Variants in SLC25A51 observed in about 807,000 individuals in gnomAD.
SLC25A51 encodes the protein solute carrier family 25 member 51.
A neutral mutation model predicts 19.1 loss-of-function variants in SLC25A51; 11 were observed. The ratio of observed to expected loss-of-function variants is 0.58; its 90% CI spans 0.36 to 0.96. The LOEUF (loss-of-function observed/expected upper bound fraction) is 0.96. Ranked by LOEUF, SLC25A51 falls within the 40% of genes least tolerant of loss-of-function variation. SLC25A51 has a pLI of 0.01. For missense variants in SLC25A51, 201 were observed against 365.4 expected (o/e 0.55, Z 3.67); for synonymous variants, 105 against 133.6 (o/e 0.79, Z 1.47).
chr9:37,878,902 G>A (rs1452402632), downstream of SLC25A51: 2 of 178,942 alleles, frequency 1.1e-5, no homozygotes, highest in Non-Finnish European at 2.4e-5. Flanking sequence ...ACAGGCGTGA[G>A]CCACCACTCC....
chr9:37,903,061 C>T lies in SLC25A51; in HGVS notation c.-165+1007G>A, dbSNP rs374753238. Among the ~76,000 whole-genome samples, 15 of 152,326 alleles carry T rather than the reference C, an allele frequency of 9.8e-5. No individual in the cohort carries two copies. The East Asian group carries it at 1.9e-3, about 20-fold the overall frequency. The stretch of plus-strand genomic sequence containing the variant: ...ACTGATCTGAGTTTGCTTTCATTTA[C>T]CAAACGAGAGATCAGATGAGTCAAC... On this transcript the variant is annotated intron_variant, in intron 1 of 2. Coordinates refer to ENST00000242275, the MANE Select transcript of SLC25A51 (RefSeq NM_033412.4).
downstream of SLC25A51, chr9:37,885,877 A>G (rs1214855781): frequency 7.5e-6 from 12 of 1,589,778 alleles, no homozygotes; most frequent in Non-Finnish European, 9.5e-6. Context: ...ATGACGTGCA[A>G]ACCCCCCCCT....
chr9:37,891,079 G>A (rs915176331), intron 2 of SLC25A51, among the ~76,000 whole-genome samples: 1 of 152,182 alleles, frequency 6.6e-6, no homozygotes, highest in Non-Finnish European at 1.5e-5. Context: ...GTTCCTAAGG[G>A]GCGTATATCT....
In SLC25A51 at chr9:37,888,022, C is replaced by A; in HGVS notation, c.529G>T (p.Val177Leu). 6.2e-7 allele frequency: 1 copy of A among 1,612,558 alleles called. No homozygotes were observed. Among genetic ancestry groups the A allele is most frequent in the African/African-American group, 1.3e-5 (1 of 74,990 alleles). ...HGIGEYYRGL[V>L]PILFRNGLSN... ...AGTCCATTCCGGAAAAGAATGGGCA[C>A]CAAGCCTCGATAATACTCTCCAATT... The change falls in exon 3 of 3, where the codon GTG becomes TTG. Residue 177 changes from valine (V) to leucine (L), a missense_variant. Physicochemically the swap from Val to Leu is conservative, Grantham distance 32 (BLOSUM62 1). Transcript: ENST00000242275.
At chr9:37,886,527 A>G, downstream of SLC25A51, 2 of 1,013,138 alleles carry the variant, frequency 2.0e-6, no homozygotes, top group South Asian at 3.5e-5. Flanking sequence ...TTCTGATTTT[A>G]AAGAGGCATC....
At position 37,888,416 on chromosome 9, in the gene SLC25A51, G is replaced by A. The variant is rs765902687; in HGVS notation, c.135C>T (p.Val45=). Residue 45 remains valine (V), a synonymous_variant, in exon 3 of 3, where the codon GTC becomes GTT. Coordinates refer to ENST00000242275, the MANE Select transcript of SLC25A51 (RefSeq NM_033412.4). ...CCTTCTGAATGGGAAATGTGATTGC[G>A]ACATTGTTGAAGGCTGCACAGCAGC... The part of the protein sequence containing the change: ...LCGCCAAFNN[V]AITFPIQKVL... The A allele has an allele frequency of 2.4e-5, 39 of 1,614,074 alleles. No homozygotes were observed. Among genetic ancestry groups the A allele is most frequent in the Middle Eastern group, 1.6e-4 (1 of 6,084 alleles).
chr9:37,895,481 G>C (rs189480356), intron 2 of SLC25A51, among the ~76,000 whole-genome samples: 2 of 151,808 alleles, frequency 1.3e-5, no homozygotes, highest in Non-Finnish European at 2.9e-5. Context: ...ATTGTAAGGA[G>C]TGAGCCACCT....
chr9:37,902,256 G>T (rs1436421967), intron 1 of SLC25A51, among the ~76,000 whole-genome samples: 1 of 152,146 alleles, frequency 6.6e-6, no homozygotes, highest in Non-Finnish European at 1.5e-5. Context: ...GCAAATAAAG[G>T]TTAGTTTATT....
At chr9:37,898,312 T>C (rs553153984) in intron 2 of SLC25A51, among the ~76,000 whole-genome samples, 22 of 151,932 alleles carry the variant, frequency 1.4e-4, no homozygotes, top group African/African-American at 4.6e-4. Flanking sequence ...TCCCAGCACT[T>C]TGGGAGGCTG....
intron 2 of SLC25A51, among the ~76,000 whole-genome samples, chr9:37,891,653 G>C (rs894566432): frequency 6.6e-6 from 1 of 151,994 alleles, no homozygotes; most frequent in Non-Finnish European, 1.5e-5. Context: ...GATGCTTGAA[G>C]GCAGCATGCT....
chr9:37,886,008 G>C, downstream of SLC25A51: 1 of 1,613,728 alleles, frequency 6.2e-7, no homozygotes, highest in Non-Finnish European at 8.5e-7. Context: ...TCTAATGACT[G>C]CCAATCATTT....
downstream of SLC25A51, chr9:37,886,321 C>T (rs1831456720): frequency 6.2e-7 from 1 of 1,613,822 alleles, no homozygotes; most frequent in Non-Finnish European, 8.5e-7. Flanking sequence ...GAGACAATAT[C>T]CCTGAGGAGC....
At chr9:37,882,294 C>A (rs1158001530) in intron 2 of SLC25A51, among the ~76,000 whole-genome samples, 2 of 152,188 alleles carry the variant, frequency 1.3e-5, no homozygotes, top group Non-Finnish European at 2.9e-5. Flanking sequence ...ACTGCATACG[C>A]CTCACTCTAC....
chr9:37,894,157 T>C (rs969991834), intron 2 of SLC25A51, among the ~76,000 whole-genome samples: 2 of 150,708 alleles, frequency 1.3e-5, no homozygotes, highest in South Asian at 2.1e-4. Context: ...ATGGTTGCTG[T>C]TTTTTTTTAT....
At position 37,887,667 on chromosome 9, in the gene SLC25A51, T is replaced by C; in HGVS notation, c.884A>G (p.Lys295Arg). 6.2e-7 allele frequency: 1 copy of C among 1,609,300 alleles called. No individual in the cohort carries two copies. Among genetic ancestry groups the C allele is most frequent in the Non-Finnish European group, 8.5e-7 (1 of 1,177,940 alleles). Residue 295 changes from lysine (K) to arginine (R), a missense_variant, in exon 3 of 3, where the codon AAG (lysine) becomes AGG (arginine). Physicochemically the swap from Lys to Arg is conservative, Grantham distance 26. Coordinates refer to ENST00000242275, the MANE Select transcript of SLC25A51 (RefSeq NM_033412.4). ...TAACTGATGGTTTTTTCATATAACC[T>C]TTAACAAGAACTCATAAGTTGCATT... ...IINATYEFLL[K>R]VI
At chr9:37,879,122 T>C, downstream of SLC25A51, 1 of 360,156 alleles carries the variant, frequency 2.8e-6, no homozygotes, top group Non-Finnish European at 5.6e-6. Flanking sequence ...ATGTAGACTT[T>C]GAGTAACATC....
chr9:37,901,200 C>T (rs1462924740), intron 1 of SLC25A51, among the ~76,000 whole-genome samples: 1 of 151,834 alleles, frequency 6.6e-6, no homozygotes, highest in Non-Finnish European at 1.5e-5. Flanking sequence ...GACAGAGTCT[C>T]ACTCTGTTGC....
At chr9:37,887,146 C>T (rs1231691034), downstream of SLC25A51, among the ~76,000 whole-genome samples, 1 of 152,078 alleles carries the variant, frequency 6.6e-6, no homozygotes, top group East Asian at 1.9e-4. Flanking sequence ...GAAACCCCGT[C>T]TCTACTAAAA....
chr9:37,894,453 A>C (rs1382786151), intron 2 of SLC25A51, among the ~76,000 whole-genome samples: 2 of 151,418 alleles, frequency 1.3e-5, no homozygotes, highest in Non-Finnish European at 2.9e-5. Context: ...CAGCCTCCCG[A>C]GTAGCTGGGA....
Sources: allele counts gnomAD v4.1 joint callset (sites outside exome capture counted in the v4.1 genomes callset), GRCh38; gene constraint gnomAD v4.1.1; transcripts MANE v1.5; gene names NCBI Gene and HGNC (gene_info 2026-07-23, HGNC 2026-07-21).